Variants in AKT3 observed in about 807,000 individuals in gnomAD.
AKT3 encodes RAC-gamma serine/threonine-protein kinase.
Under a neutral mutation model 65.3 loss-of-function variants are expected in AKT3, and 15 were observed. The observed-to-expected ratio is 0.23, with a 90% CI of 0.15 to 0.35. The LOEUF (loss-of-function observed/expected upper bound fraction) is 0.35, where lower values mean the gene tolerates loss of function less well. Ranked by LOEUF, AKT3 falls within the 10% of genes least tolerant of loss-of-function variation. The probability of loss-of-function intolerance (pLI) is 1.00; values close to 1 mark genes in which losing one functional copy is unlikely to be tolerated. For synonymous variants in AKT3, 206 were observed against 183.8 expected, an observed-to-expected ratio of 1.12 and a Z score of -0.98; for missense variants, 243 against 576.5, an observed-to-expected ratio of 0.42 and a Z score of 5.92.
At chr1:243,732,564 T>G (rs1687626669) in intron 2 of AKT3, among the ~76,000 whole-genome samples, 1 of 152,180 alleles carries the variant, frequency 6.6e-6, no homozygotes, top group East Asian at 1.9e-4. Context: ...GGAAAAGAGT[T>G]TGTGTACTGA....
chr1:243,775,174 A>ATTTG lies in AKT3; in HGVS notation c.46+67947_46+67950dup, dbSNP rs796290279. ...TACCGCACCCGTCCTTGTTCCTATT[A>ATTTG]TTTGTTTGTTTGTTTGTTTGTTTTG... On this transcript the variant is annotated intron_variant, in intron 2 of 13. Coordinates refer to ENST00000673466, the MANE Select transcript of AKT3 (RefSeq NM_005465.7). 8.9e-4 allele frequency among the ~76,000 whole-genome samples: 134 copies of ATTTG among 151,410 alleles called. 1 individual carries two copies. Among genetic ancestry groups the ATTTG allele is most frequent in the African/African-American group, 2.2e-3 (92 of 41,272 alleles).
chr1:243,508,404 A>AG (rs1203428371), intron 13 of AKT3, among the ~76,000 whole-genome samples: 2 of 152,206 alleles, frequency 1.3e-5, no homozygotes, highest in Non-Finnish European at 2.9e-5. Flanking sequence ...TGCTGAACAG[A>AG]GGTGCCTGCA....
intron 8 of AKT3, 109 bp downstream of exon 8, chr1:243,613,562 T>C (rs1572031532): frequency 2.7e-6 from 2 of 754,602 alleles, no homozygotes; most frequent in Non-Finnish European, 4.1e-6. Context: ...GCTACATAAA[T>C]TCCTATCAAG....
intron 12 of AKT3, among the ~76,000 whole-genome samples, chr1:243,534,298 A>G (rs1460104224): frequency 1.3e-5 from 2 of 152,210 alleles, no homozygotes; most frequent in African/African-American, 4.8e-5. Flanking sequence ...GGCATTACAT[A>G]ATGATACCTG....
At chr1:243,567,439 A>C (rs1169734522) in intron 9 of AKT3, among the ~76,000 whole-genome samples, 1 of 149,340 alleles carries the variant, frequency 6.7e-6, no homozygotes, top group African/African-American at 2.5e-5. Flanking sequence ...TCCTAAGTAC[A>C]CAGGCGCACA....
Position 243,843,178 on chromosome 1 carries a change from C to A in AKT3, c.-8G>T. 1.2e-6 allele frequency: 2 copies of A among 1,611,844 alleles called. No individual in the cohort carries two copies. The highest frequency in any genetic ancestry group is 1.7e-6 in the Non-Finnish European group (2 of 1,178,764). On this transcript the variant is annotated 5_prime_UTR_variant, in exon 2 of 14. Transcript: ENST00000673466. ...AATGGTAACATCGCTCATGATGACT[C>A]CCCTCTGAGCCCCCAACTTGGAGAA...
intron 3 of AKT3, among the ~76,000 whole-genome samples, chr1:243,694,227 G>C (rs1197059463): frequency 6.6e-6 from 1 of 152,244 alleles, no homozygotes; most frequent in Middle Eastern, 3.4e-3. Context: ...GCTTTAGGTA[G>C]GGCATTTAGA....
At chr1:243,657,093 T>C (rs1300594688) in intron 4 of AKT3, among the ~76,000 whole-genome samples, 1 of 152,090 alleles carries the variant, frequency 6.6e-6, no homozygotes, top group Admixed American at 6.5e-5. Flanking sequence ...ACCCCAAAGG[T>C]GATGGTATTA....
At chr1:243,526,218 G>A (rs1384930476) in intron 12 of AKT3, among the ~76,000 whole-genome samples, 1 of 152,134 alleles carries the variant, frequency 6.6e-6, no homozygotes, top group Non-Finnish European at 1.5e-5. Flanking sequence ...AGATGAAATG[G>A]AATCTAGAAG....
chr1:243,491,904 CTTAATT>C (rs1172212069), intron 13 of AKT3, among the ~76,000 whole-genome samples: 1 of 152,178 alleles, frequency 6.6e-6, no homozygotes, highest in African/African-American at 2.4e-5. Flanking sequence ...TTAAGCTTAA[CTTAATT>C]TTGCATGTCA....
chr1:243,697,351 T>C (rs1245261906), intron 2 of AKT3, among the ~76,000 whole-genome samples: 1 of 151,966 alleles, frequency 6.6e-6, no homozygotes, highest in Non-Finnish European at 1.5e-5. Flanking sequence ...TATGTTGTTT[T>C]GGTTTAAATT....
At chr1:243,508,681 T>A (rs11485034) in intron 13 of AKT3, among the ~76,000 whole-genome samples, 136 of 130,146 alleles carry the variant, frequency 1.0e-3, no homozygotes, top group Admixed American at 1.4e-3. Context: ...TTTTTTTTTT[T>A]AAAAGACAGA....
chr1:243,581,053 A>G (rs1675309578), intron 8 of AKT3, among the ~76,000 whole-genome samples: 1 of 152,128 alleles, frequency 6.6e-6, no homozygotes, highest in Non-Finnish European at 1.5e-5. Context: ...CTGGACTAGA[A>G]GTTTAGACCA....
chr1:243,711,545 C>T (rs1686159573), intron 2 of AKT3, among the ~76,000 whole-genome samples: 2 of 152,184 alleles, frequency 1.3e-5, no homozygotes, highest in East Asian at 1.9e-4. Flanking sequence ...ACAGCCTCTA[C>T]AGCTTGGTAT....
intron 10 of AKT3, among the ~76,000 whole-genome samples, chr1:243,555,782 C>A (rs940502025): frequency 6.6e-5 from 10 of 152,180 alleles, no homozygotes; most frequent in Admixed American, 1.3e-4. Flanking sequence ...AAATGCAGAT[C>A]AAAATATGCT....
intron 2 of AKT3, among the ~76,000 whole-genome samples, chr1:243,768,596 G>C (rs1689973476): frequency 6.6e-6 from 1 of 152,118 alleles, no homozygotes; most frequent in African/African-American, 2.4e-5. Flanking sequence ...CCAGCACTTT[G>C]GGAGGCAGAG....
intron 11 of AKT3, among the ~76,000 whole-genome samples, chr1:243,551,969 T>C (rs1324827383): frequency 6.6e-6 from 1 of 152,090 alleles, no homozygotes; most frequent in African/African-American, 2.4e-5. Flanking sequence ...CAGCTATGCA[T>C]AGAAAAGATT....
intron 2 of AKT3, among the ~76,000 whole-genome samples, chr1:243,828,954 T>C (rs572220334): frequency 3.3e-5 from 5 of 152,268 alleles, no homozygotes; most frequent in African/African-American, 1.2e-4. Context: ...TGGATAAATC[T>C]CCAAGACATA....
intron 12 of AKT3, among the ~76,000 whole-genome samples, chr1:243,533,854 G>T (rs1489435822): frequency 2.0e-5 from 3 of 152,162 alleles, no homozygotes; most frequent in African/African-American, 7.2e-5. Context: ...GCCGGGCGTG[G>T]TGGTGGGCGC....
Sources: gnomAD v4.1 joint callset for allele counts (sites outside exome capture counted in the v4.1 genomes callset) on GRCh38, gnomAD v4.1.1 for gene constraint, MANE v1.5 for transcripts, NCBI Gene and HGNC (gene_info 2026-07-23, HGNC 2026-07-21) for gene names.